ASIC2: variants seen among roughly 807,000 people sequenced by gnomAD.
The protein encoded by ASIC2 is acid sensing ion channel subunit 2.
ASIC2 carries 25 observed loss-of-function variants against 57.3 expected under a neutral mutation model. The ratio of observed to expected loss-of-function variants is 0.44; its 90% CI spans 0.32 to 0.61. The LOEUF (loss-of-function observed/expected upper bound fraction) is 0.61, where lower values mean the gene tolerates loss of function less well. Among genes scored for constraint, ASIC2 ranks in the 20% least tolerant of loss-of-function variants. The pLI is 0.06. For synonymous variants in ASIC2, 319 were observed against 307.5 expected, an observed-to-expected ratio of 1.04 and a Z score of -0.39; for missense variants, 641 against 738.1, an observed-to-expected ratio of 0.87 and a Z score of 1.52.
chr17:34,049,254 C>G (rs952356559), intron 1 of ASIC2, among the ~76,000 whole-genome samples: 22 of 152,132 alleles, frequency 1.4e-4, no homozygotes, highest in Admixed American at 5.9e-4. Context: ...GATTGTGTCA[C>G]TGCACTCCTC....
intron 1 of ASIC2, among the ~76,000 whole-genome samples, chr17:33,262,546 T>G (rs1909323230): frequency 6.6e-6 from 1 of 152,162 alleles, no homozygotes; most frequent in African/African-American, 2.4e-5. Flanking sequence ...TCTCTCAGAC[T>G]GTTATTCCAA....
intron 1 of ASIC2, among the ~76,000 whole-genome samples, chr17:33,586,059 A>G (rs574015487): frequency 6.6e-6 from 1 of 152,292 alleles, no homozygotes; most frequent in East Asian, 1.9e-4. Context: ...AGCCACCTCT[A>G]AGTTGTGCCA....
intron 1 of ASIC2, among the ~76,000 whole-genome samples, chr17:33,309,041 C>A (rs1055903379): frequency 3.3e-4 from 50 of 152,254 alleles, no homozygotes; most frequent in East Asian, 1.9e-3. Context: ...GAAGTGGCAA[C>A]GGACCAATTC....
At chr17:33,660,281 T>C (rs1202796055) in intron 1 of ASIC2, among the ~76,000 whole-genome samples, 2 of 152,128 alleles carry the variant, frequency 1.3e-5, no homozygotes, top group African/African-American at 4.8e-5. Flanking sequence ...AAAAACTATT[T>C]TTCTTTCTTC....
intron 1 of ASIC2, among the ~76,000 whole-genome samples, chr17:33,674,859 T>G (rs1274392814): frequency 2.0e-5 from 3 of 152,200 alleles, no homozygotes; most frequent in African/African-American, 7.2e-5. Context: ...GCATTTGTGG[T>G]CTGAGCCCAG....
chr17:33,762,981 C>T (rs1387508701), intron 1 of ASIC2, among the ~76,000 whole-genome samples: 6 of 152,162 alleles, frequency 3.9e-5, no homozygotes, highest in Admixed American at 3.9e-4. Flanking sequence ...CCCATCTTTG[C>T]AATGACAAGA....
At chr17:33,045,785 G>A (rs907671661) in intron 3 of ASIC2, among the ~76,000 whole-genome samples, 7 of 152,254 alleles carry the variant, frequency 4.6e-5, no homozygotes, top group South Asian at 4.2e-4. Context: ...CTCCCCACAC[G>A]CCTTCTCCTC....
At chr17:33,586,001 A>G (rs1597798007) in intron 1 of ASIC2, among the ~76,000 whole-genome samples, 2 of 152,134 alleles carry the variant, frequency 1.3e-5, no homozygotes, top group Admixed American at 1.3e-4. Context: ...GTGGTCATGC[A>G]TGCCTCCGCA....
intron 1 of ASIC2, among the ~76,000 whole-genome samples, chr17:33,800,716 T>C (rs1912108552): frequency 6.6e-6 from 1 of 152,186 alleles, no homozygotes; most frequent in South Asian, 2.1e-4. Context: ...TATAAAAATG[T>C]AGGAAACTTT....
At chr17:33,600,293 G>T (rs947506677) in intron 1 of ASIC2, among the ~76,000 whole-genome samples, 6 of 152,298 alleles carry the variant, frequency 3.9e-5, no homozygotes, top group African/African-American at 1.4e-4. Flanking sequence ...TCCTTGTGAT[G>T]CCTTCTGCAT....
chr17:33,879,585 G>A (rs1261771530), intron 1 of ASIC2, among the ~76,000 whole-genome samples: 2 of 152,102 alleles, frequency 1.3e-5, no homozygotes, highest in Admixed American at 6.6e-5. Context: ...CCCAATACAG[G>A]AGCACCCAGA....
intron 1 of ASIC2, among the ~76,000 whole-genome samples, chr17:34,124,932 A>G (rs1358984976): frequency 2.7e-5 from 4 of 150,706 alleles, no homozygotes; most frequent in African/African-American, 5.0e-5. Context: ...CATGTAGTCC[A>G]TAAAAATCCT....
At chr17:33,493,416 A>G (rs561195591) in intron 1 of ASIC2, among the ~76,000 whole-genome samples, 15 of 152,306 alleles carry the variant, frequency 9.8e-5, no homozygotes, top group African/African-American at 3.6e-4. Context: ...CCTGTCTTGG[A>G]TAACTATAGT....
Position 34,011,681 on chromosome 17 carries a change from A to G in ASIC2, c.555+144297T>C, listed in dbSNP as rs185480913. Among the ~76,000 whole-genome samples the G allele has an allele frequency of 4.1e-3, 627 of 152,110 alleles. 2 individuals are homozygous for G. The highest frequency in any genetic ancestry group is 8.1e-3 in the Admixed American group (124 of 15,290). On this transcript the variant is annotated intron_variant, in intron 1 of 9. Transcript: ENST00000359872. ...CCTCTGCCTCCACCACTCCATGGAA[A>G]CCTCTCCAGCAAAGTCACAAAGGGG...
intron 1 of ASIC2, among the ~76,000 whole-genome samples, chr17:33,664,789 A>C (rs1907416451): frequency 6.6e-6 from 1 of 152,206 alleles, no homozygotes; most frequent in Admixed American, 6.5e-5. Flanking sequence ...TAGTTAAATC[A>C]ACCCTTACAA....
intron 1 of ASIC2, among the ~76,000 whole-genome samples, chr17:34,018,480 ATTAT>A (rs545573250): frequency 7.7e-4 from 117 of 152,360 alleles, no homozygotes; most frequent in African/African-American, 2.7e-3. Flanking sequence ...TTCAATTATT[ATTAT>A]TTAAGAAATT....
At chr17:33,259,094 G>A (rs538361825) in intron 1 of ASIC2, among the ~76,000 whole-genome samples, 5 of 152,290 alleles carry the variant, frequency 3.3e-5, no homozygotes, top group South Asian at 2.1e-4. Flanking sequence ...CAGCCATTCC[G>A]GGTAATGGTG....
intron 1 of ASIC2, among the ~76,000 whole-genome samples, chr17:34,093,804 C>T (rs1404118510): frequency 6.6e-6 from 1 of 152,180 alleles, no homozygotes; most frequent in Non-Finnish European, 1.5e-5. Flanking sequence ...GAGGTCTTCT[C>T]AGATAGGCAA....
intron 1 of ASIC2, among the ~76,000 whole-genome samples, chr17:33,184,268 T>C (rs1432218446): frequency 2.0e-5 from 3 of 152,166 alleles, no homozygotes; most frequent in East Asian, 3.9e-4. Flanking sequence ...ATGTTAACAC[T>C]GAAGAACATC....
Sources: allele counts gnomAD v4.1 joint callset (sites outside exome capture counted in the v4.1 genomes callset), GRCh38; gene constraint gnomAD v4.1.1; transcripts MANE v1.5; gene names NCBI Gene and HGNC (gene_info 2026-07-23, HGNC 2026-07-21).